FPGT: variants seen among roughly 807,000 people sequenced by gnomAD.
FPGT encodes the protein GDP-L-fucose diphosphorylase.
Under a neutral mutation model 45.8 loss-of-function variants are expected in FPGT, and 41 were observed. The ratio of observed to expected loss-of-function variants is 0.90; its 90% confidence interval spans 0.70 to 1.16. The LOEUF (loss-of-function observed/expected upper bound fraction) is 1.16. FPGT is among the 50% of genes most tolerant of loss of function. FPGT has a pLI of 0.00. For missense variants in FPGT, 755 were observed against 689.1 expected, an observed-to-expected ratio of 1.10 and a Z score of -1.07; for synonymous variants, 292 against 247.2, an observed-to-expected ratio of 1.18 and a Z score of -1.70.
chr1:74,203,140 T>C (rs1211755146), intron 3 of FPGT, among the ~76,000 whole-genome samples: 2 of 152,216 alleles, frequency 1.3e-5, no homozygotes, highest in Non-Finnish European at 2.9e-5. Flanking sequence ...CATAATTGTA[T>C]GTTCTGTAGT....
At chr1:74,200,497 C>CTTTTTTTTTT (rs202228945) in intron 2 of FPGT, among the ~76,000 whole-genome samples, 3 of 106,564 alleles carry the variant, frequency 2.8e-5, no homozygotes, top group African/African-American at 8.5e-5. Context: ...GTTATTATTT[C>CTTTTTTTTTT]TTTTTTTTTT....
chr1:74,198,356 A>C lies in FPGT; in HGVS notation c.78A>C (p.Leu26=), dbSNP rs750352320. Residue 26 remains leucine, a synonymous_variant, in exon 1 of 4, where the codon CTA becomes CTC. Transcript: ENST00000370898. The stretch of plus-strand genomic sequence containing the variant: ...GAAAATTGCGGAGGTTTTCCGAGCT[A>C]AGAGGTACCAGAGAAGGCACCGGAG... ...TQRKLRRFSE[L]RGKLVARGEF... is the part of the protein sequence containing the mutation. The C allele has an allele frequency of 6.2e-7, 1 of 1,614,040 alleles. No individual in the cohort carries two copies. The highest frequency in any genetic ancestry group is 1.3e-5 in the African/African-American group (1 of 74,922).
At chr1:74,202,758 A>G (rs899663273) in intron 3 of FPGT, among the ~76,000 whole-genome samples, 10 of 152,220 alleles carry the variant, frequency 6.6e-5, no homozygotes, top group Non-Finnish European at 1.3e-4. Context: ...CTTAAAACAC[A>G]AACACTGTAC....
chr1:74,201,857 G>A (rs912267143), intron 3 of FPGT, among the ~76,000 whole-genome samples: 5 of 152,110 alleles, frequency 3.3e-5, no homozygotes, highest in Admixed American at 2.6e-4. Context: ...CATCACCTAG[G>A]TATTAAGCCA....
At chr1:74,203,066 A>G (rs1406021438) in intron 3 of FPGT, among the ~76,000 whole-genome samples, 1 of 152,226 alleles carries the variant, frequency 6.6e-6, no homozygotes, top group Non-Finnish European at 1.5e-5. Flanking sequence ...AATGAAAAGT[A>G]TAGTATAGTA....
Position 74,208,603 on chromosome 1 carries a change from G to C in FPGT, c.*2771G>C, listed in dbSNP as rs1652469597. 1.3e-5 allele frequency among the ~76,000 whole-genome samples: 2 copies of C among 151,964 alleles called. No homozygotes were observed. The highest frequency in any genetic ancestry group is 4.1e-4 in the South Asian group (2 of 4,826). ...AGGGCATGGGAAAAATTCAACATTT[G>C]ATAATAATCTTTTACCTTAGGCATT... On this transcript the variant is annotated 3_prime_UTR_variant, in exon 4 of 4. Transcript: ENST00000370898.
At chr1:74,203,347 A>G (rs1042139746) in intron 3 of FPGT, among the ~76,000 whole-genome samples, 4 of 151,858 alleles carry the variant, frequency 2.6e-5, no homozygotes, top group Non-Finnish European at 5.9e-5. Flanking sequence ...GTATTTTAGC[A>G]TTAGTATATT....
In FPGT at chr1:74,205,416, A is replaced by G. The variant is rs2100779296; in HGVS notation, c.1369A>G (p.Ser457Gly). 1.2e-6 allele frequency: 2 copies of G among 1,614,024 alleles called. No homozygotes were observed. Among genetic ancestry groups the G allele is most frequent in the Non-Finnish European group, 8.5e-7 (1 of 1,179,864 alleles). Reference protein sequence around the residue: ...LPAHSFVCSLSLKMNRCLKYA... With the variant: ...LPAHSFVCSLGLKMNRCLKYA... ...CGCACATTCTTTTGTATGTTCCTTA[A>G]GCTTAAAGATGAATAGATGCTTAAA... Residue 457 changes from serine to glycine, a missense_variant, in exon 4 of 4, where the codon AGC (serine) becomes GGC (glycine). By Grantham distance (56) the Ser-to-Gly change is moderately conservative (BLOSUM62 0). Transcript: ENST00000370898.
rs541020095 is a variant in FPGT, at chr1:74,205,580, A to G, written c.1533A>G (p.Glu511=). 4.3e-6 allele frequency: 7 copies of G among 1,613,700 alleles called. No homozygotes were observed. The African/African-American group carries it at 8.0e-5, about 18-fold the overall frequency. The part of the protein sequence containing the change: ...LDVWNLKVTE[E]LFSGNKTCLS... ...TTTGGAATCTTAAAGTTACAGAGGA[A>G]CTGTTCTCTGGTAACAAGACATGTC... Residue 511 remains glutamate (E), a synonymous_variant, in exon 4 of 4, where the codon GAA becomes GAG. Transcript: ENST00000370898.
chr1:74,198,565 C>A, intron 1 of FPGT: 1 of 682,098 alleles, frequency 1.5e-6, no homozygotes, highest in South Asian at 2.1e-5. Flanking sequence ...TTACTTTATT[C>A]TTAGTAGTAT....
chr1:74,205,396 A>G lies in FPGT; in HGVS notation c.1349A>G (p.His450Arg). The G allele has an allele frequency of 6.2e-7, 1 of 1,614,032 alleles. No individual in the cohort carries two copies. The highest frequency in any genetic ancestry group is 2.2e-5 in the East Asian group (1 of 44,884). ...YILTKAALPAHSFVCSLSLKM... is the reference protein window; with the variant it reads ...YILTKAALPARSFVCSLSLKM... ...CTAACAAAAGCTGCCCTCCCCGCAC[A>G]TTCTTTTGTATGTTCCTTAAGCTTA... is the stretch of plus-strand genomic sequence containing the variant. The change falls in exon 4 of 4, where the codon CAT (histidine) becomes CGT (arginine). Residue 450 changes from histidine to arginine, a missense_variant. By Grantham distance (29) the His-to-Arg change is conservative (BLOSUM62 0). Coordinates refer to ENST00000370898, the MANE Select transcript of FPGT (RefSeq NM_003838.5).
chr1:74,201,465 C>G, intron 3 of FPGT, 55 bp downstream of exon 3: 2 of 1,144,430 alleles, frequency 1.7e-6, no homozygotes, highest in Non-Finnish European at 2.5e-6. Context: ...ACCTTTAATA[C>G]TTTAGAGACT....
chr1:74,205,219 A>T lies in FPGT; in HGVS notation c.1172A>T (p.Asp391Val), dbSNP rs765368137. The stretch of plus-strand genomic sequence containing the variant: ...TCCATAACTTTTAGTATCTTTCCAG[A>T]TATACCAGAATGCTCTGGCAAAACA... ...LQSITFSIFP[D>V]IPECSGKTSC... Residue 391 changes from aspartate (D) to valine (V), a missense_variant, in exon 4 of 4, where the codon GAT (aspartate) becomes GTT (valine). By Grantham distance (152) the Asp-to-Val change is radical. Transcript: ENST00000370898. 6.2e-7 allele frequency: 1 copy of T among 1,614,070 alleles called. No homozygotes were observed. The highest frequency in any genetic ancestry group is 8.5e-7 in the Non-Finnish European group (1 of 1,179,940).
chr1:74,200,497 C>CTTTTTTTTTTTT (rs202228945), intron 2 of FPGT, among the ~76,000 whole-genome samples: 25 of 106,558 alleles, frequency 2.3e-4, no homozygotes, highest in African/African-American at 5.5e-4. Flanking sequence ...GTTATTATTT[C>CTTTTTTTTTTTT]TTTTTTTTTT....
chr1:74,205,404 G>T lies in FPGT; in HGVS notation c.1357G>T (p.Val453Leu). 6.2e-7 allele frequency: 1 copy of T among 1,614,004 alleles called. No homozygotes were observed. Among genetic ancestry groups the T allele is most frequent in the Non-Finnish European group, 8.5e-7 (1 of 1,179,852 alleles). Residue 453 changes from valine (V) to leucine (L), a missense_variant, in exon 4 of 4, where the codon GTA becomes TTA. Transcript: ENST00000370898. Reference sequence around the variant, plus strand: ...AGCTGCCCTCCCCGCACATTCTTTTGTATGTTCCTTAAGCTTAAAGATGAA... The same window carrying T: ...AGCTGCCCTCCCCGCACATTCTTTTTTATGTTCCTTAAGCTTAAAGATGAA... ...TKAALPAHSF[V>L]CSLSLKMNRC...
At position 74,205,205 on chromosome 1, in the gene FPGT, T is replaced by C. The variant is rs1356741213; in HGVS notation, c.1158T>C (p.Phe386=). Residue 386 remains phenylalanine, a synonymous_variant, in exon 4 of 4, where the codon TTT becomes TTC. Transcript: ENST00000370898. ...AGCTCGGCTTACAGTCCATAACTTTTAGTATCTTTCCAGATATACCAGAAT... is the reference window on the plus strand; with the variant it reads ...AGCTCGGCTTACAGTCCATAACTTTCAGTATCTTTCCAGATATACCAGAAT... The part of the protein sequence containing the change: ...KSELGLQSIT[F]SIFPDIPECS... The C allele has an allele frequency of 1.2e-6, 2 of 1,614,002 alleles. No homozygotes were observed. The highest frequency in any genetic ancestry group is 3.3e-5 in the Admixed American group (2 of 60,016).
chr1:74,198,245 T>A lies in FPGT; in HGVS notation c.-34T>A. The A allele has an allele frequency of 6.2e-7, 1 of 1,609,676 alleles. No individual in the cohort carries two copies. Among genetic ancestry groups the A allele is most frequent in the Non-Finnish European group, 8.5e-7 (1 of 1,177,588 alleles). ...GGAGGCGCACCCCAGGGCGCATGCG[T>A]GCTGTGCGGCGCGGTCTCAGGGAAG... On this transcript the variant is annotated 5_prime_UTR_variant, in exon 1 of 4. Coordinates refer to ENST00000370898, the MANE Select transcript of FPGT (RefSeq NM_003838.5).
chr1:74,201,254 G>C lies in FPGT; in HGVS notation c.251-64G>C, dbSNP rs1024235315. 8.0e-6 allele frequency: 11 copies of C among 1,379,192 alleles called. No homozygotes were observed. In the Admixed American group the frequency reaches 2.1e-4, roughly 26 times the overall value. 85.4% of individuals were successfully genotyped at this position (1,379,192 alleles called of 1,614,324 possible). On this transcript the variant is annotated intron_variant, in intron 2 of 3. Coordinates refer to ENST00000370898, the MANE Select transcript of FPGT (RefSeq NM_003838.5). Reference sequence around the variant, plus strand: ...AGGTTATATAACACCTAAATTTACTGTCATGACAAAGTTTTAGTAGGTTTC... The same window carrying C: ...AGGTTATATAACACCTAAATTTACTCTCATGACAAAGTTTTAGTAGGTTTC...
At chr1:74,202,110 A>T (rs1651853550) in intron 3 of FPGT, among the ~76,000 whole-genome samples, 1 of 152,268 alleles carries the variant, frequency 6.6e-6, no homozygotes, top group Non-Finnish European at 1.5e-5. Context: ...AGACATTTTA[A>T]AACAGAAAAG....
Sources: allele counts gnomAD v4.1 joint callset (sites outside exome capture counted in the v4.1 genomes callset), GRCh38; gene constraint gnomAD v4.1.1; transcripts MANE v1.5; gene names NCBI Gene and HGNC (gene_info 2026-07-23, HGNC 2026-07-21).